The following ADARB2 variants were observed in gnomAD, a reference collection of about 807,000 sequenced individuals.
ADARB2 encodes adenosine deaminase RNA specific B2 (inactive), also known as inactive double-stranded RNA-specific editase B2.
Under a neutral mutation model 62.2 loss-of-function variants are expected in ADARB2, and 25 were observed. The observed-to-expected ratio is 0.40, with a 90% CI of 0.29 to 0.56. The LOEUF is 0.56. Among genes scored for constraint, ADARB2 ranks in the 20% least tolerant of loss-of-function variants. ADARB2 has a pLI of 0.43. For synonymous variants in ADARB2, 572 were observed against 500.8 expected (o/e 1.14, Z -1.90); for missense variants, 1,071 against 1,077.4 (o/e 0.99, Z 0.08).
intron 6 of ADARB2, among the ~76,000 whole-genome samples, chr10:1,218,137 G>T (rs559661893): frequency 1.6e-4 from 24 of 152,152 alleles, no homozygotes; most frequent in Non-Finnish European, 3.5e-4. Flanking sequence ...TGCAACCTCC[G>T]CCTCCCAGGT....
chr10:1,572,991 AT>A, intron 1 of ADARB2, among the ~76,000 whole-genome samples: 1 of 152,340 alleles, frequency 6.6e-6, no homozygotes, highest in Non-Finnish European at 1.5e-5. Context: ...GCTCATTTAC[AT>A]GGCCAGAGTG....
intron 1 of ADARB2, among the ~76,000 whole-genome samples, chr10:1,543,122 G>T (rs1832462817): frequency 6.6e-6 from 1 of 152,260 alleles, no homozygotes; most frequent in African/African-American, 2.4e-5. Context: ...GCGGTGTGGG[G>T]TGGCTTCCCT....
intron 1 of ADARB2, among the ~76,000 whole-genome samples, chr10:1,537,992 G>A (rs12244289): frequency 0.54 from 82,321 of 152,118 alleles, 22,698 homozygotes; most frequent in East Asian, 0.75. Context: ...AAAAAGAATT[G>A]CTTTTTTTAA....
chr10:1,538,061 C>T (rs897600661), intron 1 of ADARB2, among the ~76,000 whole-genome samples: 1 of 152,200 alleles, frequency 6.6e-6, no homozygotes, highest in African/African-American at 2.4e-5. Flanking sequence ...TGGTGAAGGG[C>T]TCAAGTTGGA....
At chr10:1,565,261 G>T (rs1483216392) in intron 1 of ADARB2, among the ~76,000 whole-genome samples, 3 of 152,138 alleles carry the variant, frequency 2.0e-5, no homozygotes, top group African/African-American at 7.2e-5. Context: ...TTATACAAAA[G>T]ACACAAGAAA....
intron 1 of ADARB2, among the ~76,000 whole-genome samples, chr10:1,507,639 G>A (rs902882287): frequency 6.6e-6 from 1 of 152,066 alleles, no homozygotes; most frequent in African/African-American, 2.4e-5. Context: ...TGTGGGCACC[G>A]GCTCAGGACG....
At chr10:1,725,006 A>G (rs1489323821) in intron 1 of ADARB2, among the ~76,000 whole-genome samples, 1 of 152,234 alleles carries the variant, frequency 6.6e-6, no homozygotes, top group Middle Eastern at 3.2e-3. Flanking sequence ...AATATTAGTT[A>G]TTAATCTTTA....
intron 3 of ADARB2, among the ~76,000 whole-genome samples, chr10:1,334,293 T>C (rs1019125381): frequency 1.3e-5 from 2 of 152,224 alleles, no homozygotes; most frequent in Non-Finnish European, 2.9e-5. Flanking sequence ...TTTGGTCGAA[T>C]ACATTTGAAA....
At chr10:1,435,339 C>T (rs1217732172) in intron 1 of ADARB2, among the ~76,000 whole-genome samples, 1 of 152,226 alleles carries the variant, frequency 6.6e-6, no homozygotes, top group African/African-American at 2.4e-5. Context: ...TTCCTCCCCT[C>T]AGTGTTACTC....
intron 1 of ADARB2, among the ~76,000 whole-genome samples, chr10:1,693,355 T>A (rs2173522): frequency 6.6e-6 from 1 of 152,110 alleles, no homozygotes; most frequent in South Asian, 2.1e-4. Flanking sequence ...TGATGGTCAA[T>A]GTGGGTAAGA....
At chr10:1,417,161 T>C (rs961617772) in intron 1 of ADARB2, among the ~76,000 whole-genome samples, 2 of 150,102 alleles carry the variant, frequency 1.3e-5, no homozygotes, top group South Asian at 4.3e-4. Context: ...GGCCAGGAAG[T>C]GTTGACTAGA....
At chr10:1,672,506 C>G (rs991951944) in intron 1 of ADARB2, among the ~76,000 whole-genome samples, 2 of 152,178 alleles carry the variant, frequency 1.3e-5, no homozygotes, top group African/African-American at 4.8e-5. Context: ...GCCTCCAGGC[C>G]GCACTTCTCC....
At chr10:1,473,331 A>T (rs949547720) in intron 1 of ADARB2, among the ~76,000 whole-genome samples, 2 of 152,090 alleles carry the variant, frequency 1.3e-5, no homozygotes, top group Admixed American at 1.3e-4. Flanking sequence ...CCTAATGGAT[A>T]CAAATTTGCT....
chr10:1,217,168 G>A, intron 6 of ADARB2, 49 bp from the exon 7 acceptor site: 5 of 1,487,212 alleles, frequency 3.4e-6, no homozygotes, highest in Non-Finnish European at 4.5e-6. Flanking sequence ...AGCCGCCTTG[G>A]TTTTGGGAGG....
At chr10:1,207,083 A>ACAG (rs1004902797) in intron 7 of ADARB2, among the ~76,000 whole-genome samples, 1 of 152,184 alleles carries the variant, frequency 6.6e-6, no homozygotes, top group Non-Finnish European at 1.5e-5. Flanking sequence ...GCGGTGGCTC[A>ACAG]CCCCTGTAAT....
At chr10:1,591,659 G>GCACACACACACACA (rs1255744378) in intron 1 of ADARB2, among the ~76,000 whole-genome samples, 1 of 122,684 alleles carries the variant, frequency 8.2e-6, no homozygotes, top group African/African-American at 2.6e-5. Context: ...AGGCGTGCAC[G>GCACACACACACACA]CACACACACA....
At chr10:1,245,591 G>C in intron 4 of ADARB2, among the ~76,000 whole-genome samples, 1 of 150,476 alleles carries the variant, frequency 6.6e-6, no homozygotes, top group East Asian at 2.0e-4. Context: ...TGCGGTGTTT[G>C]GTTTTTTGTC....
chr10:1,594,816 C>T (rs1833308712), intron 1 of ADARB2, among the ~76,000 whole-genome samples: 2 of 152,220 alleles, frequency 1.3e-5, no homozygotes, highest in Non-Finnish European at 2.9e-5. Context: ...CGCAGAATTG[C>T]ACAATCCGGG....
intron 1 of ADARB2, among the ~76,000 whole-genome samples, chr10:1,631,845 G>A (rs1036010894): frequency 6.6e-6 from 1 of 152,178 alleles, no homozygotes; most frequent in Non-Finnish European, 1.5e-5. Flanking sequence ...AGTTATTCTG[G>A]AAATGTATAG....
Sources: allele counts gnomAD v4.1 joint callset (sites outside exome capture counted in the v4.1 genomes callset), GRCh38; gene constraint gnomAD v4.1.1; transcripts MANE v1.5; gene names NCBI Gene and HGNC (gene_info 2026-07-23, HGNC 2026-07-21).